CEP41: variants seen among roughly 807,000 people sequenced by gnomAD.
CEP41 encodes centrosomal protein 41.
Under a neutral mutation model 44.3 loss-of-function variants are expected in CEP41, and 32 were observed. That is an observed-to-expected ratio of 0.72 (90% confidence interval 0.54 to 0.97). The LOEUF (loss-of-function observed/expected upper bound fraction) is 0.97. CEP41 is among the 50% of genes least tolerant of loss of function. CEP41 has a pLI of 0.00. For missense variants in CEP41, 432 were observed against 455.2 expected, an observed-to-expected ratio of 0.95 and a Z score of 0.46; for synonymous variants, 151 against 168.5, an observed-to-expected ratio of 0.90 and a Z score of 0.80.
At chr7:130,437,951 A>G (rs1219356330) in intron 1 of CEP41, among the ~76,000 whole-genome samples, 1 of 152,176 alleles carries the variant, frequency 6.6e-6, no homozygotes. Context: ...CTTTCTTAAG[A>G]AACTACTAGA....
At chr7:130,441,193 C>T (rs1031692514), upstream of CEP41, 3 of 627,306 alleles carry the variant, frequency 4.8e-6, no homozygotes, top group South Asian at 3.0e-5. Context: ...CGCCGGCTAG[C>T]GAGGCCTTTT....
rs1554414681 is a variant in CEP41 at position 130,396,655 on chromosome 7, A to G, written c.*2236T>C. On this transcript the variant is annotated 3_prime_UTR_variant, in exon 11 of 11. Transcript: ENST00000223208. ...GGCAAAGTAGAATGTTAAAAGCAAT[A>G]CCTCGAGCACGTAAAGAATGTTTGA... 2.2e-6 allele frequency: 1 copy of G among 454,592 alleles called. No homozygotes were observed. The highest frequency in any genetic ancestry group is 2.3e-5 in the Admixed American group (1 of 42,588). The allele number at this position is 454,592 out of a possible 1,614,324, so 28.2% of individuals were successfully genotyped here.
Position 130,411,981 on chromosome 7 carries a change from CAAA to C in CEP41, c.207+195_207+197del, listed in dbSNP as rs1337669170. ...AACATTTACTTTATAGAATTCTTAT[CAAA>C]GAAGAGAGAAACATTTCTCACCATC... On this transcript the variant is annotated intron_variant, in intron 4 of 10. Transcript: ENST00000223208. 16 of 551,900 alleles carry C rather than the reference CAAA, an allele frequency of 2.9e-5. No homozygotes were observed. The East Asian group carries it at 4.8e-4, about 17-fold the overall frequency. The allele number at this position is 551,900 out of a possible 1,614,324, so 34.2% of individuals were successfully genotyped here.
chr7:130,395,677 C>G lies in CEP41; in HGVS notation c.*3214G>C, dbSNP rs1184837803. 4 of 453,692 alleles carry G rather than the reference C, an allele frequency of 8.8e-6. No individual in the cohort carries two copies. In the East Asian group the frequency reaches 2.1e-4, roughly 24 times the overall value. 28.1% of individuals were successfully genotyped at this position (453,692 alleles called of 1,614,324 possible). A position where few individuals can be genotyped will look rare whatever the true frequency, so the allele number is the denominator to read the frequency against. On this transcript the variant is annotated 3_prime_UTR_variant, in exon 11 of 11. Coordinates refer to ENST00000223208, the MANE Select transcript of CEP41 (RefSeq NM_018718.3). ...GGACTCTGATTTCACTTACATTCCA[C>G]AAGGGAATTAGAGAAAACACGATTT...
In CEP41 at chr7:130,403,360, T is replaced by G. The variant is rs185032130; in HGVS notation, c.423-561A>C. On this transcript the variant is annotated intron_variant, in intron 6 of 10. Coordinates refer to ENST00000223208, the MANE Select transcript of CEP41 (RefSeq NM_018718.3). ...GTTACAACATTGAGGTTGACGAGGC[T>G]TTAGATTTGGTGGCATTCATAGAAT... 2.0e-3 allele frequency among the ~76,000 whole-genome samples: 306 copies of G among 152,330 alleles called. 1 individual carries two copies. Among genetic ancestry groups the G allele is most frequent in the African/African-American group, 7.0e-3 (292 of 41,570 alleles).
At position 130,410,999 on chromosome 7, in the gene CEP41, T is replaced by A. The variant is rs1797165743; in HGVS notation, c.277+123A>T. 6 of 868,202 alleles carry A rather than the reference T, an allele frequency of 6.9e-6. No individual in the cohort carries two copies. In the Admixed American group the frequency reaches 8.6e-5, roughly 12 times the overall value. 53.8% of individuals were successfully genotyped at this position (868,202 alleles called of 1,614,324 possible). ...GGTAGCATTTCCCTGAGAGTAACAA[T>A]CTAATTACAAATAGATACATCAAAG... On this transcript the variant is annotated intron_variant, in intron 5 of 10. Transcript: ENST00000223208.
chr7:130,437,904 T>C (rs193039183), intron 1 of CEP41, among the ~76,000 whole-genome samples: 26 of 152,028 alleles, frequency 1.7e-4, no homozygotes, highest in African/African-American at 6.0e-4. Context: ...TGCCTAACAT[T>C]TTAGACATAA....
Position 130,399,044 on chromosome 7 carries a change from A to C in CEP41, c.974-5T>G. 1 of 1,613,820 alleles carries C rather than the reference A, an allele frequency of 6.2e-7. No individual in the cohort carries two copies. The highest frequency in any genetic ancestry group is 8.5e-7 in the Non-Finnish European group (1 of 1,180,020). ...AGTTAGCTTGGTTCAGTCGGCCTGA[A>C]GGGAGCAAGAAAGAAGGAACAGAGC... On this transcript the variant is annotated splice_region_variant and splice_polypyrimidine_tract_variant and intron_variant, in intron 10 of 10. Transcript: ENST00000223208.
rs182916135 is a variant in CEP41, at chr7:130,432,421, G to T, written c.34-4403C>A. On this transcript the variant is annotated intron_variant, in intron 1 of 10. Coordinates refer to ENST00000223208, the MANE Select transcript of CEP41 (RefSeq NM_018718.3). ...ATTAAAAACATAATATGGTCAGTTG[G>T]AGTGTGCTGAGTATGAGATATCTGT... Among the ~76,000 whole-genome samples, 217 of 152,056 alleles carry T rather than the reference G, an allele frequency of 1.4e-3. 2 individuals carry two copies. The highest frequency in any genetic ancestry group is 6.8e-3 in the Middle Eastern group (2 of 294).
At chr7:130,440,844 C>A in intron 1 of CEP41, 90 bp downstream of exon 1, 1 of 1,306,590 alleles carries the variant, frequency 7.7e-7, no homozygotes, top group Non-Finnish European at 1.0e-6. Flanking sequence ...TTCCGGGCGG[C>A]GGAAGTCGCT....
rs1421306147 is a variant in CEP41, at chr7:130,439,703, C to T, written c.33+1231G>A. On this transcript the variant is annotated intron_variant, in intron 1 of 10. Coordinates refer to ENST00000223208, the MANE Select transcript of CEP41 (RefSeq NM_018718.3). Reference sequence around the variant, plus strand: ...CCTTACAGCTTTCTCAGCCTAGTACCAGGCAGCCACCAAGAGATGAAACAG... The same window carrying T: ...CCTTACAGCTTTCTCAGCCTAGTACTAGGCAGCCACCAAGAGATGAAACAG... 3.3e-5 allele frequency among the ~76,000 whole-genome samples: 5 copies of T among 152,148 alleles called. 1 individual carries two copies. The highest frequency in any genetic ancestry group is 3.3e-4 in the Admixed American group (5 of 15,268).
chr7:130,417,309 G>A (rs1376840219), intron 2 of CEP41: 2 of 1,109,354 alleles, frequency 1.8e-6, no homozygotes, highest in African/African-American at 1.6e-5. Flanking sequence ...CCCCGCTGAC[G>A]ATCTTTTTGT....
chr7:130,406,305 C>T lies in CEP41; in HGVS notation c.278-1597G>A, dbSNP rs115257052. On this transcript the variant is annotated intron_variant, in intron 5 of 10. Transcript: ENST00000223208. ...TTTTTTAAAAATAATAATAACAGGG[C>T]GGGCATGGTGGCTCACACCTGTAAT... is the stretch of plus-strand genomic sequence containing the variant. Among the ~76,000 whole-genome samples, 1,234 of 152,160 alleles carry T rather than the reference C, an allele frequency of 8.1e-3. 19 individuals carry two copies. The highest frequency in any genetic ancestry group is 0.028 in the African/African-American group (1,166 of 41,518).
intron 1 of CEP41, among the ~76,000 whole-genome samples, chr7:130,436,300 C>A (rs1362794886): frequency 1.3e-5 from 2 of 151,124 alleles, no homozygotes; most frequent in South Asian, 2.1e-4. Context: ...AAAAAAAAGC[C>A]AATCTCAAAA....
chr7:130,399,328 G>A (rs1796771187), intron 10 of CEP41: 4 of 454,188 alleles, frequency 8.8e-6, no homozygotes, highest in African/African-American at 2.0e-5. Flanking sequence ...TTGGTAGAGA[G>A]GATGCAGACG....
chr7:130,429,750 G>C (rs781971128), intron 1 of CEP41, among the ~76,000 whole-genome samples: 1 of 152,120 alleles, frequency 6.6e-6, no homozygotes, highest in Non-Finnish European at 1.5e-5. Context: ...TACAGAACTA[G>C]GCACTTTCTT....
chr7:130,417,401 A>T, intron 2 of CEP41: 3 of 1,002,010 alleles, frequency 3.0e-6, no homozygotes, highest in Non-Finnish European at 3.6e-6. Context: ...TACCCAAGCA[A>T]CTCTCTCCTC....
In CEP41 at chr7:130,397,059, C is replaced by CA. The variant is rs1175028472; in HGVS notation, c.*1831dup. 1.6e-4 allele frequency: 71 copies of CA among 454,310 alleles called. 1 individual carries two copies. In the Admixed American group the frequency reaches 1.6e-3, roughly 11 times the overall value. 28.1% of individuals were successfully genotyped at this position (454,310 alleles called of 1,614,324 possible). On this transcript the variant is annotated 3_prime_UTR_variant, in exon 11 of 11. Transcript: ENST00000223208. ...TTTTTCCTTAAAAATGTATATGTGG[C>CA]AAAAATGGCTGAAAATCTTGTCCAT...
At chr7:130,404,771 T>C in intron 5 of CEP41, 63 bp from the exon 6 acceptor site, 4 of 1,215,810 alleles carry the variant, frequency 3.3e-6, no homozygotes, top group Non-Finnish European at 4.9e-6. Context: ...ACTTATTAGT[T>C]CCACTGACAT....
Sources: gnomAD v4.1 joint callset for allele counts (sites outside exome capture counted in the v4.1 genomes callset) on GRCh38, gnomAD v4.1.1 for gene constraint, MANE v1.5 for transcripts, NCBI Gene and HGNC (gene_info 2026-07-23, HGNC 2026-07-21) for gene names.